TDO2: variants seen among roughly 807,000 people sequenced by gnomAD.
TDO2 encodes the protein tryptamin 2,3-dioxygenase.
TDO2 carries 63 observed loss-of-function variants against 61.2 expected under a neutral mutation model. The ratio of observed to expected loss-of-function variants is 1.03; its 90% CI spans 0.84 to 1.27. The LOEUF (loss-of-function observed/expected upper bound fraction) is 1.27, where lower values mean the gene tolerates loss of function less well. TDO2 is among the 50% of genes most tolerant of loss of function. The pLI is 0.00. For synonymous variants in TDO2, 183 were observed against 164.0 expected (o/e 1.12, Z -0.89); for missense variants, 494 against 469.5 (o/e 1.05, Z -0.48).
rs1488920484 is a variant in TDO2, at chr4:155,905,122, T to A, written c.197T>A (p.Ile66Asn). The change falls in exon 3 of 12, where the codon ATC (isoleucine) becomes AAC (asparagine). Residue 66 changes from isoleucine (I) to asparagine (N), a missense_variant. Ile to Asn is a moderately radical substitution (Grantham distance 149). Coordinates refer to ENST00000536354, the MANE Select transcript of TDO2 (RefSeq NM_005651.4). Reference sequence around the variant, plus strand: ...CAAAGTGAAACAAAAGGAAATAAAATCCATGATGAACATCTTTTTATCATA... The same window carrying A: ...CAAAGTGAAACAAAAGGAAATAAAAACCATGATGAACATCTTTTTATCATA... ...ELQSETKGNKIHDEHLFIITH... is the reference protein window; with the variant it reads ...ELQSETKGNKNHDEHLFIITH... 6.2e-7 allele frequency: 1 copy of A among 1,602,280 alleles called. No individual in the cohort carries two copies. Among genetic ancestry groups the A allele is most frequent in the Admixed American group, 1.7e-5 (1 of 58,332 alleles).
intron 11 of TDO2, among the ~76,000 whole-genome samples, chr4:155,919,547 T>A (rs1395007827): frequency 6.6e-6 from 1 of 152,150 alleles, no homozygotes; most frequent in African/African-American, 2.4e-5. Flanking sequence ...CACATCTTTA[T>A]CTTTATGAAG....
At chr4:155,918,055 A>G (rs1742974659) in intron 10 of TDO2, 94 bp from the exon 11 acceptor site, 1 of 1,226,196 alleles carries the variant, frequency 8.2e-7, no homozygotes, top group East Asian at 2.5e-5. Flanking sequence ...ACATTTTCTC[A>G]GAAGCAATTA....
rs200196655 is a variant in TDO2, at chr4:155,904,051, C to A, written c.69C>A (p.Ser23Arg). ...TTAAAAAACTCCCCGTAGAAGGCAGCGAAGAAGACAAATCACAAACTGGTG... is the reference window on the plus strand; with the variant it reads ...TTAAAAAACTCCCCGTAGAAGGCAGAGAAGAAGACAAATCACAAACTGGTG... ...YTFKKLPVEGSEEDKSQTGVN... is the reference protein window; with the variant it reads ...YTFKKLPVEGREEDKSQTGVN... The change falls in exon 2 of 12, where the codon AGC becomes AGA. Residue 23 changes from serine (S) to arginine (R), a missense_variant. Coordinates refer to ENST00000536354, the MANE Select transcript of TDO2 (RefSeq NM_005651.4). 1.6e-4 allele frequency: 260 copies of A among 1,613,874 alleles called. No individual in the cohort carries two copies. Among genetic ancestry groups the A allele is most frequent in the Non-Finnish European group, 2.1e-4 (242 of 1,179,958 alleles).
In TDO2 at chr4:155,904,048, C is replaced by T. The variant is rs1338622290; in HGVS notation, c.66C>T (p.Gly22=). The T allele has an allele frequency of 2.5e-6, 4 of 1,614,006 alleles. No homozygotes were observed. The highest frequency in any genetic ancestry group is 1.3e-5 in the African/African-American group (1 of 75,018). Residue 22 remains glycine, a synonymous_variant, in exon 2 of 12, where the codon GGC becomes GGT. Coordinates refer to ENST00000536354, the MANE Select transcript of TDO2 (RefSeq NM_005651.4). ...CTTTTAAAAAACTCCCCGTAGAAGG[C>T]AGCGAAGAAGACAAATCACAAACTG... ...GYTFKKLPVE[G]SEEDKSQTGV...
chr4:155,920,367 A>C lies in TDO2; in HGVS notation c.*377A>C, dbSNP rs1743021420. On this transcript the variant is annotated 3_prime_UTR_variant, in exon 12 of 12. Coordinates refer to ENST00000536354, the MANE Select transcript of TDO2 (RefSeq NM_005651.4). ...TATTCTGTACAAAGGCTTTCAAACA[A>C]AATTTTTAAAATAATAAAGTATTAA... The C allele has an allele frequency of 6.2e-6, 1 of 162,014 alleles. No homozygotes were observed. The highest frequency in any genetic ancestry group is 2.4e-5 in the African/African-American group (1 of 41,728). 10.0% of individuals were successfully genotyped at this position (162,014 alleles called of 1,614,324 possible).
rs1403359601 is a variant in TDO2, at chr4:155,918,174, A to G, written c.1002A>G (p.Arg334=). 1 of 1,613,970 alleles carries G rather than the reference A, an allele frequency of 6.2e-7. No homozygotes were observed. The highest frequency in any genetic ancestry group is 8.5e-7 in the Non-Finnish European group (1 of 1,179,960). The change falls in exon 11 of 12, where the codon AGA becomes AGG. Residue 334 remains arginine, a synonymous_variant. Coordinates refer to ENST00000536354, the MANE Select transcript of TDO2 (RefSeq NM_005651.4). ...WRYNHVCMVH[R]MLGSKAGTGG... ...ATAACCATGTGTGCATGGTGCACAGAATGCTGGGCAGCAAAGCTGGCACCG... is the reference window on the plus strand; with the variant it reads ...ATAACCATGTGTGCATGGTGCACAGGATGCTGGGCAGCAAAGCTGGCACCG...
chr4:155,913,525 T>C (rs1313440643), intron 7 of TDO2, among the ~76,000 whole-genome samples: 1 of 152,124 alleles, frequency 6.6e-6, no homozygotes, highest in Non-Finnish European at 1.5e-5. Context: ...AGTCTATGGT[T>C]GTAATTTAAT....
At chr4:155,916,856 T>C (rs1167562016) in intron 9 of TDO2, among the ~76,000 whole-genome samples, 2 of 152,200 alleles carry the variant, frequency 1.3e-5, no homozygotes, top group African/African-American at 4.8e-5. Flanking sequence ...ATAAACAAAA[T>C]CTTTTGACTT....
chr4:155,905,031 G>T (rs1208160346), intron 2 of TDO2, 36 bp from the exon 3 acceptor site: 4 of 1,462,556 alleles, frequency 2.7e-6, no homozygotes, highest in Non-Finnish European at 9.3e-7. Context: ...ACCAAGTTCT[G>T]CAATTTCAGA....
Position 155,920,287 on chromosome 4 carries a change from C to T in TDO2, c.*297C>T, listed in dbSNP as rs532930188. ...TGTAATCACTATCTCATTGTTTCAT[C>T]TTTATAAACTTGTAAACTTCATCTA... On this transcript the variant is annotated 3_prime_UTR_variant, in exon 12 of 12. Transcript: ENST00000536354. 1 of 314,556 alleles carries T rather than the reference C, an allele frequency of 3.2e-6. No homozygotes were observed. The highest frequency in any genetic ancestry group is 5.8e-6 in the Non-Finnish European group (1 of 172,066). The allele number at this position is 314,556 out of a possible 1,614,324, so 19.5% of individuals were successfully genotyped here. A position where few individuals can be genotyped will look rare whatever the true frequency, so the allele number is the denominator to read the frequency against.
In TDO2 at chr4:155,909,009, C is replaced by T; in HGVS notation, c.426C>T (p.Asp142=). The change falls in exon 5 of 12, where the codon GAC becomes GAT. Residue 142 remains aspartate, a synonymous_variant. Coordinates refer to ENST00000536354, the MANE Select transcript of TDO2 (RefSeq NM_005651.4). ...LETMTALDFN[D]FREYLSPASG... ...CGATGACAGCCTTGGACTTCAATGA[C>T]TTCAGGTGTGCACATTTGGCATTTT... is the stretch of plus-strand genomic sequence containing the variant. 6.2e-7 allele frequency: 1 copy of T among 1,603,018 alleles called. No homozygotes were observed.
At chr4:155,914,899 A>G (rs1399248214) in intron 8 of TDO2, among the ~76,000 whole-genome samples, 1 of 152,194 alleles carries the variant, frequency 6.6e-6, no homozygotes, top group African/African-American at 2.4e-5. Context: ...TGGTCCAGCC[A>G]TACTAAGTTT....
intron 11 of TDO2, 70 bp from the exon 12 acceptor site, chr4:155,919,767 A>T: frequency 2.2e-6 from 3 of 1,354,872 alleles, no homozygotes; most frequent in Non-Finnish European, 3.0e-6. Context: ...TGAGAAATAA[A>T]TTTTCTAATT....
At chr4:155,905,310 A>C in intron 3 of TDO2, 153 bp downstream of exon 3, 1 of 634,742 alleles carries the variant, frequency 1.6e-6, no homozygotes, top group Non-Finnish European at 2.7e-6. Context: ...ATGAATTCTC[A>C]TAGGACTGAT....
At chr4:155,911,995 A>G (rs7674417) in intron 7 of TDO2, among the ~76,000 whole-genome samples, 96,108 of 152,046 alleles carry the variant, frequency 0.63, 32,355 homozygotes, top group East Asian at 0.77. Flanking sequence ...CAGCTCTCAG[A>G]CAATGTCAGT....
chr4:155,919,814 C>T, intron 11 of TDO2, 23 bp from the exon 12 acceptor site: 1 of 1,578,744 alleles, frequency 6.3e-7, no homozygotes, highest in South Asian at 1.2e-5. Context: ...CAATGTAACA[C>T]ATCTTCATGT....
rs528298773 is a variant in TDO2, at chr4:155,915,143, T to C, written c.838+709T>C. ...TCCTGAAATTTATTGAGCCATAAAA[T>C]CAGTACTTTCATTTCTAAACTTTTG... On this transcript the variant is annotated intron_variant, in intron 8 of 11. Coordinates refer to ENST00000536354, the MANE Select transcript of TDO2 (RefSeq NM_005651.4). 9.8e-5 allele frequency among the ~76,000 whole-genome samples: 15 copies of C among 152,308 alleles called. No homozygotes were observed. In the South Asian group the frequency reaches 2.3e-3, roughly 23 times the overall value.
In TDO2 at chr4:155,914,373, G is replaced by A; in HGVS notation, c.777G>A (p.Lys259=). Residue 259 remains lysine (K), a synonymous_variant, in exon 8 of 12, where the codon AAG becomes AAA. Coordinates refer to ENST00000536354, the MANE Select transcript of TDO2 (RefSeq NM_005651.4). Reference sequence around the variant, plus strand: ...AGGAACAGGTGGCTGAATTTCAGAAGCAAAAAGAGGTGCTACTGTCCTTAT... The same window carrying A: ...AGGAACAGGTGGCTGAATTTCAGAAACAAAAAGAGGTGCTACTGTCCTTAT... ...EKEEQVAEFQ[K]QKEVLLSLFD... 7 of 1,607,304 alleles carry A rather than the reference G, an allele frequency of 4.4e-6. No homozygotes were observed. The highest frequency in any genetic ancestry group is 5.1e-6 in the Non-Finnish European group (6 of 1,178,206).
intron 8 of TDO2, 71 bp downstream of exon 8, chr4:155,914,505 G>T (rs1742895324): frequency 3.8e-6 from 4 of 1,051,908 alleles, no homozygotes; most frequent in Admixed American, 3.1e-5. Flanking sequence ...CATTTTATAA[G>T]ACTATCAAGC....
Sources: allele counts gnomAD v4.1 joint callset (sites outside exome capture counted in the v4.1 genomes callset), GRCh38; gene constraint gnomAD v4.1.1; transcripts MANE v1.5; gene names NCBI Gene and HGNC (gene_info 2026-07-23, HGNC 2026-07-21).